Variants in PTPRN2 observed in about 807,000 individuals in gnomAD.
PTPRN2 encodes receptor-type tyrosine-protein phosphatase N2.
PTPRN2 carries 74 observed loss-of-function variants against 118.8 expected under a neutral mutation model. The ratio of observed to expected loss-of-function variants is 0.62; its 90% CI spans 0.52 to 0.76. The LOEUF is 0.76. Ranked by LOEUF, PTPRN2 falls within the 30% of genes least tolerant of loss-of-function variation. The probability of loss-of-function intolerance (pLI) is 0.00; values close to 1 mark genes in which losing one functional copy is unlikely to be tolerated. For missense variants in PTPRN2, 1,481 were observed against 1,394.4 expected (o/e 1.06, Z -0.99); for synonymous variants, 641 against 608.0 (o/e 1.05, Z -0.80).
In PTPRN2 at chr7:157,772,940, G is replaced by A. The variant is rs187294909; in HGVS notation, c.1789-90003C>T. 4.3e-4 allele frequency among the ~76,000 whole-genome samples: 65 copies of A among 152,270 alleles called. No homozygotes were observed. The East Asian group carries it at 9.5e-3, about 22-fold the overall frequency. On this transcript the variant is annotated intron_variant, in intron 12 of 22. Coordinates refer to ENST00000389418, the MANE Select transcript of PTPRN2 (RefSeq NM_002847.5). ...GGTGATATGGTCCAGGCTGCATGCC[G>A]ACTCCGGGTGTACACTGGGTACTGG...
intron 9 of PTPRN2, among the ~76,000 whole-genome samples, chr7:158,128,067 G>A (rs538349940): frequency 3.3e-5 from 5 of 152,254 alleles, no homozygotes; most frequent in East Asian, 1.9e-4. Context: ...AGGTGACACC[G>A]AGTTCTAAAC....
At position 157,587,364 on chromosome 7, in the gene PTPRN2, C is replaced by T. The variant is rs942621161; in HGVS notation, c.2496+7874G>A. On this transcript the variant is annotated intron_variant, in intron 17 of 22. Coordinates refer to ENST00000389418, the MANE Select transcript of PTPRN2 (RefSeq NM_002847.5). The surrounding 1 kb of genome is among the most constrained non-coding windows in gnomAD (Gnocchi z 5.3). ...CAACTGTCATTCTCCTGCACCTCGG[C>T]CTTGTCACCGGTGGCTGGCAGGCAG... Among the ~76,000 whole-genome samples the T allele has an allele frequency of 6.6e-6, 1 of 152,194 alleles. No homozygotes were observed. Among genetic ancestry groups the T allele is most frequent in the African/African-American group, 2.4e-5 (1 of 41,438 alleles).
In PTPRN2 at chr7:157,964,902, G is replaced by A. The variant is rs1005415658; in HGVS notation, c.1724-66165C>T. On this transcript the variant is annotated intron_variant, in intron 11 of 22. Coordinates refer to ENST00000389418, the MANE Select transcript of PTPRN2 (RefSeq NM_002847.5). This position sits in a 1 kb window ranked among gnomAD's most constrained non-coding sequence, Gnocchi z 9.0. ...TTGGTTTGTGAGTGCCCTGCACTCT[G>A]TCAGTTGGGCCATGGTATAATTTAT... is the stretch of plus-strand genomic sequence containing the variant. Among the ~76,000 whole-genome samples, 2 of 152,214 alleles carry A rather than the reference G, an allele frequency of 1.3e-5. No individual in the cohort carries two copies. Among genetic ancestry groups the A allele is most frequent in the African/African-American group, 2.4e-5 (1 of 41,450 alleles).
intron 21 of PTPRN2, among the ~76,000 whole-genome samples, chr7:157,549,965 G>A (rs1028042735): frequency 1.3e-5 from 2 of 152,208 alleles, no homozygotes; most frequent in Non-Finnish European, 2.9e-5. Flanking sequence ...AAATAGAGAC[G>A]CGGCCAATGG....
intron 13 of PTPRN2, among the ~76,000 whole-genome samples, chr7:157,657,095 CCA>C (rs764260241): frequency 0.03 from 1,541 of 50,866 alleles, 146 homozygotes; most frequent in East Asian, 0.15. Context: ...CACACATACG[CCA>C]CACACACACA....
At chr7:158,250,629 GAC>G (rs760581748) in intron 3 of PTPRN2, among the ~76,000 whole-genome samples, 4 of 152,090 alleles carry the variant, frequency 2.6e-5, no homozygotes, top group Non-Finnish European at 5.9e-5. Flanking sequence ...ATTTTTATAA[GAC>G]AGGTATATTT....
At position 157,787,153 on chromosome 7, in the gene PTPRN2, A is replaced by T. The variant is rs1804109487; in HGVS notation, c.1789-104216T>A. On this transcript the variant is annotated intron_variant, in intron 12 of 22. Coordinates refer to ENST00000389418, the MANE Select transcript of PTPRN2 (RefSeq NM_002847.5). This position sits in a 1 kb window ranked among gnomAD's most constrained non-coding sequence, Gnocchi z 5.3. ...GCGGGGGTGGCTGCCCGGGAGGCGG[A>T]CGCGGGTGCGGCGGGGGACGCGGGG... Among the ~76,000 whole-genome samples the T allele has an allele frequency of 7.2e-6, 1 of 138,400 alleles. No homozygotes were observed. Among genetic ancestry groups the T allele is most frequent in the South Asian group, 2.3e-4 (1 of 4,340 alleles). The allele number at this position is 138,400 out of a possible 152,430, so 90.8% of individuals were successfully genotyped here.
intron 13 of PTPRN2, among the ~76,000 whole-genome samples, chr7:157,658,363 G>A (rs1795701763): frequency 6.6e-6 from 1 of 152,208 alleles, no homozygotes; most frequent in African/African-American, 2.4e-5. Context: ...GCACAGGGGA[G>A]GGAGAAAGGC....
chr7:157,907,500 T>TGG (rs1210866454), intron 11 of PTPRN2, among the ~76,000 whole-genome samples: 87 of 121,724 alleles, frequency 7.1e-4, no homozygotes, highest in Non-Finnish European at 8.9e-4. Flanking sequence ...TGGGGTGTCC[T>TGG]GGGTGGCAGT....
chr7:157,998,302 A>G (rs11984272), intron 11 of PTPRN2, among the ~76,000 whole-genome samples: 102,786 of 152,062 alleles, frequency 0.68, 35,088 homozygotes, highest in East Asian at 0.88. Context: ...AAGAGCCATG[A>G]AATAATTAAA....
At chr7:157,579,662 C>T (rs894377714) in intron 17 of PTPRN2, among the ~76,000 whole-genome samples, 7 of 152,218 alleles carry the variant, frequency 4.6e-5, no homozygotes, top group Non-Finnish European at 7.3e-5. Flanking sequence ...CTCTCGCGTC[C>T]GCCCTTCATT....
rs1382296463 is a variant in PTPRN2 at position 158,139,343 on chromosome 7, T to A, written c.911-828A>T. The stretch of plus-strand genomic sequence containing the variant: ...CGGCGTCTGAAATTTAAAATTTATG[T>A]CCATTACGGGTGGACATAACGGAAG... On this transcript the variant is annotated intron_variant, in intron 6 of 22. Transcript: ENST00000389418. 2.0e-5 allele frequency among the ~76,000 whole-genome samples: 3 copies of A among 152,218 alleles called. No homozygotes were observed. In the East Asian group the frequency reaches 5.8e-4, roughly 29 times the overall value.
At chr7:158,538,965 C>T (rs998435256) in intron 1 of PTPRN2, among the ~76,000 whole-genome samples, 9 of 152,288 alleles carry the variant, frequency 5.9e-5, no homozygotes, top group African/African-American at 1.2e-4. Flanking sequence ...TGAGGCAGCA[C>T]GAACCCCCCA....
chr7:157,683,484 C>T (rs1457425826), intron 12 of PTPRN2, among the ~76,000 whole-genome samples: 1 of 152,188 alleles, frequency 6.6e-6, no homozygotes, highest in African/African-American at 2.4e-5. Context: ...GATTTGGATC[C>T]ACCTGTCTTG....
intron 2 of PTPRN2, among the ~76,000 whole-genome samples, chr7:158,358,910 C>T (rs1269189951): frequency 1.3e-5 from 2 of 152,136 alleles, no homozygotes; most frequent in Non-Finnish European, 1.5e-5. Context: ...GAACTATATC[C>T]CTAAATGGTT....
At chr7:158,163,890 G>C (rs113277336) in intron 6 of PTPRN2, among the ~76,000 whole-genome samples, 2 of 118,578 alleles carry the variant, frequency 1.7e-5, no homozygotes, top group Non-Finnish European at 3.8e-5. Flanking sequence ...TAGGTGATCA[G>C]TATTCTCTGT....
intron 11 of PTPRN2, among the ~76,000 whole-genome samples, chr7:157,958,589 A>G (rs899524950): frequency 2.6e-4 from 39 of 152,240 alleles, no homozygotes; most frequent in African/African-American, 7.7e-4. Context: ...CAATATACAG[A>G]AATCATTTGT....
intron 7 of PTPRN2, among the ~76,000 whole-genome samples, chr7:158,137,301 C>T (rs568919045): frequency 1.6e-4 from 25 of 152,234 alleles, no homozygotes; most frequent in African/African-American, 6.0e-4. Context: ...CCTGTAATCC[C>T]AGCTACTTGG....
chr7:157,802,216 C>A (rs545066097), intron 12 of PTPRN2, among the ~76,000 whole-genome samples: 1 of 152,334 alleles, frequency 6.6e-6, no homozygotes, highest in South Asian at 2.1e-4. Flanking sequence ...AAACCTTGTG[C>A]CCTTGGAACG....
Sources: gnomAD v4.1 joint callset for allele counts (sites outside exome capture counted in the v4.1 genomes callset) on GRCh38, gnomAD v4.1.1 for gene constraint, Gnocchi (gnomAD v3.1) non-coding constraint, MANE v1.5 for transcripts, NCBI Gene and HGNC (gene_info 2026-07-23, HGNC 2026-07-21) for gene names.